Variants in SEL1L2 observed in about 807,000 individuals in gnomAD.
The protein encoded by SEL1L2 is SEL1L2 adaptor subunit of SYVN1 ubiquitin ligase.
Under a neutral mutation model 98.8 loss-of-function variants are expected in SEL1L2, and 89 were observed. The ratio of observed to expected loss-of-function variants is 0.90; its 90% confidence interval spans 0.76 to 1.07. The LOEUF (loss-of-function observed/expected upper bound fraction) is 1.07, where lower values mean the gene tolerates loss of function less well. Ranked by LOEUF, SEL1L2 falls within the 50% of genes least tolerant of loss-of-function variation. The pLI is 0.00. For missense variants in SEL1L2, 788 were observed against 812.0 expected, an observed-to-expected ratio of 0.97 and a Z score of 0.36; for synonymous variants, 262 against 278.5, an observed-to-expected ratio of 0.94 and a Z score of 0.59.
At chr20:13,988,372 A>AT (rs1035884520) in intron 1 of SEL1L2, among the ~76,000 whole-genome samples, 1 of 151,684 alleles carries the variant, frequency 6.6e-6, no homozygotes, top group Non-Finnish European at 1.5e-5. Flanking sequence ...TTTCAAATTC[A>AT]TTTTTTTCAT....
chr20:13,907,752 T>TTTTC, intron 5 of SEL1L2, among the ~76,000 whole-genome samples: 1 of 139,880 alleles, frequency 7.1e-6, no homozygotes, highest in Non-Finnish European at 1.6e-5. Context: ...CTTTCTTTTC[T>TTTTC]TTTCTTTTCT....
intron 17 of SEL1L2, among the ~76,000 whole-genome samples, chr20:13,860,561 C>G (rs188738869): frequency 7.1e-4 from 108 of 152,252 alleles, no homozygotes; most frequent in African/African-American, 2.6e-3. Flanking sequence ...TGCATGGGCT[C>G]TTTATTTCAA....
chr20:13,988,643 A>G lies in SEL1L2; in HGVS notation c.58+1834T>C, dbSNP rs943142445. Among the ~76,000 whole-genome samples the G allele has an allele frequency of 7.2e-5, 11 of 152,166 alleles. No homozygotes were observed. In the East Asian group the frequency reaches 1.7e-3, roughly 24 times the overall value. On this transcript the variant is annotated intron_variant, in intron 1 of 19. Transcript: ENST00000284951. ...TCCAACTCCATTCTTCTTTTTCAGGAACATTTTTTTCCATATGAATTTTAA... is the reference window on the plus strand; with the variant it reads ...TCCAACTCCATTCTTCTTTTTCAGGGACATTTTTTTCCATATGAATTTTAA...
Position 13,919,093 on chromosome 20 carries a change from T to C in SEL1L2, c.314A>G (p.Asp105Gly), listed in dbSNP as rs905879567. 6 of 1,613,380 alleles carry C rather than the reference T, an allele frequency of 3.7e-6. No homozygotes were observed. The highest frequency in any genetic ancestry group is 4.2e-6 in the Non-Finnish European group (5 of 1,179,608). Residue 105 changes from aspartate (D) to glycine (G), a missense_variant, in exon 4 of 20, where the codon GAT (aspartate) becomes GGT (glycine). Coordinates refer to ENST00000284951, the MANE Select transcript of SEL1L2 (RefSeq NM_025229.2). ...CATCTTAAATAGCTGGTCTCCTTCATCTGTAAAATTTTTCTCTGCTTGCTT... is the reference window on the plus strand; with the variant it reads ...CATCTTAAATAGCTGGTCTCCTTCACCTGTAAAATTTTTCTCTGCTTGCTT... Reference protein sequence around the residue: ...LQKQAEKNFTDEGDQLFKMGI... With the variant: ...LQKQAEKNFTGEGDQLFKMGI...
chr20:13,973,810 G>A (rs1488928045), intron 1 of SEL1L2, among the ~76,000 whole-genome samples: 1 of 152,102 alleles, frequency 6.6e-6, no homozygotes, highest in Non-Finnish European at 1.5e-5. Context: ...TCTAACCTTA[G>A]ATCTAGTTCT....
chr20:13,893,635 C>T (rs973685657), intron 5 of SEL1L2, among the ~76,000 whole-genome samples: 2 of 152,076 alleles, frequency 1.3e-5, no homozygotes, highest in Non-Finnish European at 2.9e-5. Context: ...AACAAAAGAC[C>T]TTATTGTATT....
intron 2 of SEL1L2, among the ~76,000 whole-genome samples, chr20:13,938,219 T>C: frequency 6.6e-6 from 1 of 151,996 alleles, no homozygotes; most frequent in East Asian, 1.9e-4. Flanking sequence ...TAGCTGGGAT[T>C]ACAGGTGCGC....
upstream of SEL1L2, chr20:13,990,749 T>C (rs2052507486): frequency 1.9e-6 from 1 of 517,478 alleles, no homozygotes; most frequent in African/African-American, 2.0e-5. Context: ...TCCACTGCTA[T>C]TCCTCTGGCT....
At chr20:13,977,384 T>C (rs2051592623) in intron 1 of SEL1L2, among the ~76,000 whole-genome samples, 1 of 152,142 alleles carries the variant, frequency 6.6e-6, no homozygotes, top group South Asian at 2.1e-4. Flanking sequence ...GTGAGTAATG[T>C]CACATGGTGC....
At chr20:13,940,110 G>A (rs1332934640) in intron 2 of SEL1L2, among the ~76,000 whole-genome samples, 2 of 152,346 alleles carry the variant, frequency 1.3e-5, no homozygotes, top group South Asian at 2.1e-4. Context: ...CCATTTGTCT[G>A]TAAGAAATAC....
At chr20:13,903,592 C>A (rs1249486816) in intron 5 of SEL1L2, among the ~76,000 whole-genome samples, 1 of 152,186 alleles carries the variant, frequency 6.6e-6, no homozygotes, top group Non-Finnish European at 1.5e-5. Flanking sequence ...GCAGGCAGAT[C>A]TCTGGAGGTC....
At chr20:13,947,905 C>T (rs2050092458) in intron 2 of SEL1L2, among the ~76,000 whole-genome samples, 1 of 152,246 alleles carries the variant, frequency 6.6e-6, no homozygotes, top group African/African-American at 2.4e-5. Flanking sequence ...CCTGGCTGTG[C>T]ACAGTGACTG....
intron 4 of SEL1L2, chr20:13,915,269 TC>T: frequency 7.8e-7 from 1 of 1,281,644 alleles, no homozygotes; most frequent in Non-Finnish European, 1.0e-6. Flanking sequence ...GGGTGAGTAC[TC>T]CAGTGGAACA....
chr20:13,941,839 T>C (rs1454054044), intron 2 of SEL1L2, among the ~76,000 whole-genome samples: 2 of 152,176 alleles, frequency 1.3e-5, no homozygotes, highest in Non-Finnish European at 2.9e-5. Flanking sequence ...AAATGATAGA[T>C]AGGTGGGAAG....
chr20:13,886,239 C>A (rs1265629234), intron 9 of SEL1L2, 49 bp downstream of exon 9: 1 of 1,400,082 alleles, frequency 7.1e-7, no homozygotes, highest in Admixed American at 1.9e-5. Context: ...GAATTAAGCC[C>A]CTTGTAATTT....
At chr20:13,873,441 A>C (rs764704706) in intron 12 of SEL1L2, among the ~76,000 whole-genome samples, 1 of 152,008 alleles carries the variant, frequency 6.6e-6, no homozygotes, top group Non-Finnish European at 1.5e-5. Flanking sequence ...AGTTCACTAC[A>C]ACCTCTTCCT....
chr20:13,897,698 A>C (rs1425512401), intron 5 of SEL1L2, among the ~76,000 whole-genome samples: 2 of 152,088 alleles, frequency 1.3e-5, no homozygotes, highest in African/African-American at 4.8e-5. Flanking sequence ...TAAGGAATGC[A>C]AGTCAAAACC....
In SEL1L2 at chr20:13,915,614, T is replaced by G. The variant is rs894063288; in HGVS notation, c.387-1670A>C. On this transcript the variant is annotated intron_variant, in intron 4 of 19. Coordinates refer to ENST00000284951, the MANE Select transcript of SEL1L2 (RefSeq NM_025229.2). ...TAGCTCCAGCATTTTATACACAGTCTCTGGACCCAGAGGGCAGCAATAGGC... is the reference window on the plus strand; with the variant it reads ...TAGCTCCAGCATTTTATACACAGTCGCTGGACCCAGAGGGCAGCAATAGGC... Among the ~76,000 whole-genome samples, 3 of 152,080 alleles carry G rather than the reference T, an allele frequency of 2.0e-5. No homozygotes were observed. In the East Asian group the frequency reaches 5.8e-4, roughly 29 times the overall value.
chr20:13,904,468 T>C (rs555684514), intron 5 of SEL1L2, among the ~76,000 whole-genome samples: 13 of 152,168 alleles, frequency 8.5e-5, no homozygotes, highest in Non-Finnish European at 1.8e-4. Flanking sequence ...GTGGAGGTTG[T>C]ATTGAGATGA....
Sources: allele counts gnomAD v4.1 joint callset (sites outside exome capture counted in the v4.1 genomes callset), GRCh38; gene constraint gnomAD v4.1.1; transcripts MANE v1.5; gene names NCBI Gene and HGNC (gene_info 2026-07-23, HGNC 2026-07-21).